PHIP: variants seen among roughly 807,000 people sequenced by gnomAD.
The protein encoded by PHIP is PH-interacting protein.
A neutral mutation model predicts 236.8 loss-of-function variants in PHIP; 54 were observed. The observed-to-expected ratio is 0.23, with a 90% CI of 0.18 to 0.29. The LOEUF is 0.29. Among genes scored for constraint, PHIP ranks in the 10% least tolerant of loss-of-function variants. The pLI is 1.00. For missense variants in PHIP, 1,370 were observed against 2,190.8 expected, an observed-to-expected ratio of 0.63 and a Z score of 7.48; for synonymous variants, 756 against 718.9, an observed-to-expected ratio of 1.05 and a Z score of -0.83.
At chr6:78,952,839 A>AC (rs1766140377) in intron 35 of PHIP, among the ~76,000 whole-genome samples, 1 of 151,200 alleles carries the variant, frequency 6.6e-6, no homozygotes, top group African/African-American at 2.4e-5. Context: ...TATCTATCAA[A>AC]GTTTAACTCA....
Position 78,939,548 on chromosome 6 carries a change from A to G in PHIP, c.*1145T>C, listed in dbSNP as rs1773390196. 6.6e-6 allele frequency: 1 copy of G among 151,928 alleles called. No individual in the cohort carries two copies. Among genetic ancestry groups the G allele is most frequent in the African/African-American group, 2.4e-5 (1 of 41,424 alleles). 9.4% of individuals were successfully genotyped at this position (151,928 alleles called of 1,614,324 possible). ...TACTGCTATCTAAAAAATCCTGAAA[A>G]AAGAATTTATACCTGGGTAATAGTA... is the stretch of plus-strand genomic sequence containing the variant. On this transcript the variant is annotated 3_prime_UTR_variant, in exon 40 of 40. Coordinates refer to ENST00000275034, the MANE Select transcript of PHIP (RefSeq NM_017934.7).
At chr6:79,012,867 AAGAC>A (rs1444682534) in intron 15 of PHIP, among the ~76,000 whole-genome samples, 4 of 151,802 alleles carry the variant, frequency 2.6e-5, no homozygotes, top group African/African-American at 4.8e-5. Flanking sequence ...TAACTCATAA[AAGAC>A]AGACAGGAAA....
chr6:78,997,648 T>A, intron 18 of PHIP, 51 bp from the exon 19 acceptor site: 2 of 1,402,610 alleles, frequency 1.4e-6, no homozygotes. Flanking sequence ...ATTTCTCCAT[T>A]AGTTTATAAC....
At chr6:79,071,080 T>C (rs1773862902) in intron 4 of PHIP, among the ~76,000 whole-genome samples, 1 of 152,230 alleles carries the variant, frequency 6.6e-6, no homozygotes, top group African/African-American at 2.4e-5. Context: ...CATTCGACTA[T>C]GTTGCCACCT....
chr6:78,992,686 C>T (rs994515667), intron 19 of PHIP, among the ~76,000 whole-genome samples: 1 of 152,030 alleles, frequency 6.6e-6, no homozygotes, highest in Non-Finnish European at 1.5e-5. Flanking sequence ...TTTGAAGCAC[C>T]ATGAACCTCA....
At chr6:79,003,011 T>TA in intron 16 of PHIP, among the ~76,000 whole-genome samples, 1 of 152,268 alleles carries the variant, frequency 6.6e-6, no homozygotes, top group Non-Finnish European at 1.5e-5. Flanking sequence ...AACTAAATTA[T>TA]AAACTACTCA....
At chr6:78,950,710 T>C (rs1171248896) in intron 35 of PHIP, among the ~76,000 whole-genome samples, 1 of 152,186 alleles carries the variant, frequency 6.6e-6, no homozygotes, top group African/African-American at 2.4e-5. Flanking sequence ...ATCTCTGATA[T>C]TAACAATCTG....
intron 7 of PHIP, among the ~76,000 whole-genome samples, chr6:79,033,510 C>G (rs962792085): frequency 6.6e-6 from 1 of 152,156 alleles, no homozygotes; most frequent in African/African-American, 2.4e-5. Flanking sequence ...ATGGAGATGG[C>G]TTTTTTCCTT....
At chr6:78,950,898 CTT>C (rs2127686736) in intron 35 of PHIP, among the ~76,000 whole-genome samples, 1 of 152,110 alleles carries the variant, frequency 6.6e-6, no homozygotes, top group South Asian at 2.1e-4. Context: ...TGATTTTACT[CTT>C]CTTTCTCTAG....
At chr6:78,969,576 TTTAAC>T (rs1232104547) in intron 27 of PHIP, among the ~76,000 whole-genome samples, 6 of 152,290 alleles carry the variant, frequency 3.9e-5, no homozygotes, top group South Asian at 2.1e-4. Context: ...TATACAAAAA[TTTAAC>T]TTAACATGTA....
intron 22 of PHIP, among the ~76,000 whole-genome samples, chr6:78,984,267 A>G (rs1768728000): frequency 6.6e-6 from 1 of 152,198 alleles, no homozygotes; most frequent in Non-Finnish European, 1.5e-5. Flanking sequence ...TTCACTATGA[A>G]ATTTAAAATG....
intron 21 of PHIP, among the ~76,000 whole-genome samples, chr6:78,986,547 C>T (rs1362606655): frequency 6.6e-6 from 1 of 152,150 alleles, no homozygotes; most frequent in Admixed American, 6.5e-5. Context: ...TTGCCCAAGG[C>T]GGCACAACTA....
rs545380501 is a variant in PHIP, at chr6:78,977,539, C to T, written c.2889+1053G>A. ...TTAAATTAAAAAAATACCATTATTG[C>T]TCCAGTTGTCTGGAACTTTAAATGA... is the stretch of plus-strand genomic sequence containing the variant. On this transcript the variant is annotated intron_variant, in intron 24 of 39. Coordinates refer to ENST00000275034, the MANE Select transcript of PHIP (RefSeq NM_017934.7). Among the ~76,000 whole-genome samples, 47 of 151,998 alleles carry T rather than the reference C, an allele frequency of 3.1e-4. No homozygotes were observed. In the South Asian group the frequency reaches 9.4e-3, roughly 30 times the overall value.
At chr6:79,027,442 T>C (rs1009766595) in intron 7 of PHIP, among the ~76,000 whole-genome samples, 2 of 152,158 alleles carry the variant, frequency 1.3e-5, no homozygotes, top group Non-Finnish European at 2.9e-5. Context: ...AGGCTCTTCA[T>C]CTATAAAATA....
intron 24 of PHIP, among the ~76,000 whole-genome samples, chr6:78,975,052 T>C (rs9343858): frequency 0.92 from 137,556 of 148,888 alleles, 63,667 homozygotes; most frequent in East Asian, 1. Flanking sequence ...ATACCAAAGC[T>C]GGGCAGAGAC....
intron 6 of PHIP, among the ~76,000 whole-genome samples, chr6:79,059,368 A>C (rs1287421431): frequency 6.6e-6 from 1 of 151,756 alleles, no homozygotes; most frequent in Non-Finnish European, 1.5e-5. Flanking sequence ...CTCAAACTGC[A>C]GAAAACCAGA....
chr6:79,072,714 T>A (rs1284524809), intron 4 of PHIP, among the ~76,000 whole-genome samples: 1 of 152,056 alleles, frequency 6.6e-6, no homozygotes. Context: ...CTCCAACTCA[T>A]GGCCTCCCAA....
chr6:79,027,075 A>T (rs1428504643), intron 7 of PHIP, among the ~76,000 whole-genome samples: 1 of 152,094 alleles, frequency 6.6e-6, no homozygotes, highest in African/African-American at 2.4e-5. Flanking sequence ...CTAATTCTTA[A>T]AGAAACACCT....
At position 78,952,291 on chromosome 6, in the gene PHIP, C is replaced by T. The variant is rs553453666; in HGVS notation, c.4053+2523G>A. Reference sequence around the variant, plus strand: ...CAAATTAGTTGGGCGTGGTGGCATGCGCCTATAATCCCAGCTACTCGTGAG... The same window carrying T: ...CAAATTAGTTGGGCGTGGTGGCATGTGCCTATAATCCCAGCTACTCGTGAG... On this transcript the variant is annotated intron_variant, in intron 35 of 39. Transcript: ENST00000275034. Among the ~76,000 whole-genome samples, 46 of 151,860 alleles carry T rather than the reference C, an allele frequency of 3.0e-4. 1 individual carries two copies. The South Asian group carries it at 7.9e-3, about 26-fold the overall frequency.
Sources: gnomAD v4.1 joint callset for allele counts (sites outside exome capture counted in the v4.1 genomes callset) on GRCh38, gnomAD v4.1.1 for gene constraint, MANE v1.5 for transcripts, NCBI Gene and HGNC (gene_info 2026-07-23, HGNC 2026-07-21) for gene names.